RPL23A: variants seen among roughly 807,000 people sequenced by gnomAD.
The protein encoded by RPL23A is large ribosomal subunit protein uL23.
A neutral mutation model predicts 17.6 loss-of-function variants in RPL23A; 2 were observed. The observed-to-expected ratio is 0.11, with a 90% CI of 0.05 to 0.36. RPL23A has a LOEUF of 0.36. Among genes scored for constraint, RPL23A ranks in the 10% least tolerant of loss-of-function variants. The pLI is 1.00. For synonymous variants in RPL23A, 65 were observed against 74.3 expected (o/e 0.87, Z 0.65); for missense variants, 132 against 194.4 (o/e 0.68, Z 1.91).
intron 1 of RPL23A, 96 bp from the exon 2 acceptor site, chr17:28,720,611 A>G: frequency 2.1e-6 from 3 of 1,406,100 alleles, no homozygotes; most frequent in Non-Finnish European, 3.0e-6. Context: ...GGAACCACTG[A>G]TGCACCTGTG....
chr17:28,720,155 T>C, intron 1 of RPL23A, 125 bp downstream of exon 1: 1 of 1,530,250 alleles, frequency 6.5e-7, no homozygotes, highest in Non-Finnish European at 8.8e-7. Flanking sequence ...CTCCCTGCGT[T>C]TCGGACACGC....
At chr17:28,720,132 T>G in intron 1 of RPL23A, 102 bp downstream of exon 1, 1 of 1,527,534 alleles carries the variant, frequency 6.5e-7, no homozygotes, top group Non-Finnish European at 8.9e-7. Flanking sequence ...CTGAGGGCTC[T>G]GCTCCGGGGC....
intron 1 of RPL23A, 58 bp downstream of exon 1, chr17:28,720,088 G>C (rs2034073619): frequency 1.3e-6 from 2 of 1,546,520 alleles, no homozygotes; most frequent in Non-Finnish European, 1.7e-6. Flanking sequence ...GCCGCAGAGC[G>C]AACGAATTGG....
At chr17:28,720,650 G>A (rs1323267522) in intron 1 of RPL23A, 57 bp from the exon 2 acceptor site, 2 of 1,589,098 alleles carry the variant, frequency 1.3e-6, no homozygotes, top group African/African-American at 1.3e-5. Context: ...AGTTCTTGGG[G>A]CCGGAAGTGA....
At chr17:28,721,466 T>A (rs2034113546) in intron 2 of RPL23A, 1 of 154,168 alleles carries the variant, frequency 6.5e-6, no homozygotes, top group South Asian at 1.9e-4. Context: ...AATACAGAGA[T>A]TCCTTGCTCA....
At chr17:28,722,308 A>G (rs1032363853) in intron 2 of RPL23A, 1 of 290,370 alleles carries the variant, frequency 3.4e-6, no homozygotes, top group Admixed American at 4.1e-5. Context: ...CCTCTTGAGT[A>G]GCTCGGACTA....
rs1295520511 is a variant in RPL23A at position 28,722,680 on chromosome 17, A to C, written c.210-43A>C. On this transcript the variant is annotated intron_variant, in intron 2 of 4. Transcript: ENST00000422514. ...AGGCTCTCCTGGCTCTGGGCTCCAA[A>C]AGAATGGGCCCAGGCCAGGTGACCC... is the stretch of plus-strand genomic sequence containing the variant. 2.5e-6 allele frequency: 4 copies of C among 1,571,986 alleles called. No homozygotes were observed. The African/African-American group carries it at 4.1e-5, about 16-fold the overall frequency.
chr17:28,721,112 G>T, intron 2 of RPL23A: 1 of 440,962 alleles, frequency 2.3e-6, no homozygotes. Flanking sequence ...AGCACTTTGG[G>T]AGGCCGAGGG....
chr17:28,723,332 G>A, intron 3 of RPL23A: 1 of 714,286 alleles, frequency 1.4e-6, no homozygotes. Context: ...AAGGCAACTA[G>A]AGTGCGACAC....
Position 28,723,573 on chromosome 17 carries a change from C to G in RPL23A, c.389C>G (p.Pro130Arg), listed in dbSNP as rs926002357. The G allele has an allele frequency of 6.2e-7, 1 of 1,613,196 alleles. No individual in the cohort carries two copies. The highest frequency in any genetic ancestry group is 8.5e-7 in the Non-Finnish European group (1 of 1,179,264). ...TAAGGCTTCCTTCTCTACCCTAGGC[C>G]TGATGGAGAGAAGAAGGCATATGTT... is the stretch of plus-strand genomic sequence containing the variant. ...DVAKVNTLIR[P>R]DGEKKAYVRL... Residue 130 changes from proline to arginine, a missense_variant and splice_region_variant, in exon 4 of 5, where the codon CCT becomes CGT. Physicochemically the swap from Pro to Arg is moderately radical, Grantham distance 103. This residue lies in a region of RPL23A where 69 missense variants were observed against 145.5 expected (regional missense o/e 0.47). Transcript: ENST00000422514.
chr17:28,722,754 C>T lies in RPL23A; in HGVS notation c.241C>T (p.Leu81=). 6.2e-7 allele frequency: 1 copy of T among 1,614,112 alleles called. No individual in the cohort carries two copies. The highest frequency in any genetic ancestry group is 1.1e-5 in the South Asian group (1 of 91,084). Residue 81 remains leucine (L), a synonymous_variant, in exon 3 of 5, where the codon CTG becomes TTG. Coordinates refer to ENST00000422514, the MANE Select transcript of RPL23A (RefSeq NM_000984.6). ...LDHYAIIKFP[L]TTESAMKKIE... ...CCACTATGCTATCATCAAGTTTCCG[C>T]TGACCACTGAGTCTGCCATGAAGAA...
chr17:28,720,396 C>G, intron 1 of RPL23A: 1 of 1,584,596 alleles, frequency 6.3e-7, no homozygotes, highest in Non-Finnish European at 8.6e-7. Flanking sequence ...GCTACATTAC[C>G]CGCCCCTCTC....
chr17:28,722,963 C>T (rs2034142267), intron 3 of RPL23A, 64 bp downstream of exon 3: 1 of 1,347,846 alleles, frequency 7.4e-7, no homozygotes, highest in African/African-American at 1.4e-5. Flanking sequence ...AAAAAACCTG[C>T]ATTCCATGAA....
chr17:28,721,525 T>C (rs1047568881), intron 2 of RPL23A: 1 of 152,718 alleles, frequency 6.5e-6, no homozygotes, highest in Non-Finnish European at 1.5e-5. Flanking sequence ...GAACGTGGAT[T>C]GATTCTTGAT....
intron 2 of RPL23A, 176 bp from the exon 3 acceptor site, chr17:28,722,547 C>T (rs774136113): frequency 5.2e-6 from 4 of 767,740 alleles, no homozygotes; most frequent in Middle Eastern, 2.3e-4. Context: ...AACGTTCTGC[C>T]CCTGGGATTG....
At chr17:28,723,680 T>C (rs912738312) in intron 4 of RPL23A, 40 bp downstream of exon 4, 54 of 1,563,500 alleles carry the variant, frequency 3.5e-5, no homozygotes, top group Non-Finnish European at 4.7e-5. Flanking sequence ...GCTCACCCCT[T>C]GGGTGCAAAT....
chr17:28,720,253 C>G (rs981149322), intron 1 of RPL23A: 14 of 1,542,080 alleles, frequency 9.1e-6, no homozygotes, highest in Non-Finnish European at 1.1e-5. Flanking sequence ...CAGGCATCAT[C>G]CGCCAGGGAG....
At chr17:28,721,593 A>C (rs2034115901) in intron 2 of RPL23A, 1 of 152,136 alleles carries the variant, frequency 6.6e-6, no homozygotes, top group East Asian at 1.9e-4. Flanking sequence ...CGGTGTATAG[A>C]AGCTTCTTTC....
intron 1 of RPL23A, 197 bp downstream of exon 1, chr17:28,720,227 G>GC (rs760968797): frequency 2.7e-5 from 42 of 1,536,158 alleles, no homozygotes; most frequent in East Asian, 1.7e-4. Flanking sequence ...GAGGGAGTTG[G>GC]GGGGGGGCAA....
Sources: allele counts gnomAD v4.1 joint callset, GRCh38; gene constraint gnomAD v4.1.1; regional missense constraint gnomAD v4.1.1; transcripts MANE v1.5; gene names NCBI Gene and HGNC (gene_info 2026-07-23, HGNC 2026-07-21).